The following PLD5 variants were observed in gnomAD, a reference collection of about 807,000 sequenced individuals.
PLD5 encodes phospholipase D family member 5, also known as inactive phospholipase D5.
PLD5 carries 36 observed loss-of-function variants against 61.1 expected under a neutral mutation model. That is an observed-to-expected ratio of 0.59 (90% CI 0.45 to 0.78). PLD5 has a LOEUF of 0.78. PLD5 is among the 30% of genes least tolerant of loss of function. The probability of loss-of-function intolerance (pLI) is 0.00; values close to 1 mark genes in which losing one functional copy is unlikely to be tolerated. For missense variants in PLD5, 515 were observed against 644.4 expected, an observed-to-expected ratio of 0.80 and a Z score of 2.17; for synonymous variants, 243 against 242.8, an observed-to-expected ratio of 1.00 and a Z score of -0.01.
intron 1 of PLD5, among the ~76,000 whole-genome samples, chr1:242,464,988 G>A (rs1272365694): frequency 1.3e-5 from 2 of 152,186 alleles, no homozygotes; most frequent in Admixed American, 6.5e-5. Flanking sequence ...GGTTGCCAGA[G>A]GCTTGGAAAA....
At chr1:242,317,307 G>A (rs901842825) in intron 2 of PLD5, among the ~76,000 whole-genome samples, 7 of 152,110 alleles carry the variant, frequency 4.6e-5, no homozygotes, top group East Asian at 1.9e-4. Flanking sequence ...GAGCCACTGC[G>A]CCTGGCCTCC....
At chr1:242,330,399 G>A (rs1342244036) in intron 2 of PLD5, among the ~76,000 whole-genome samples, 1 of 152,144 alleles carries the variant, frequency 6.6e-6, no homozygotes, top group African/African-American at 2.4e-5. Flanking sequence ...CTTGGCATAT[G>A]CTGTGGCCCT....
At chr1:242,479,989 T>A (rs539150819) in intron 1 of PLD5, among the ~76,000 whole-genome samples, 1 of 151,156 alleles carries the variant, frequency 6.6e-6, no homozygotes, top group African/African-American at 2.4e-5. Context: ...AGGCACAGAT[T>A]GCAGTAAGTC....
At chr1:242,172,275 C>A (rs1337713291) in intron 5 of PLD5, among the ~76,000 whole-genome samples, 1 of 152,202 alleles carries the variant, frequency 6.6e-6, no homozygotes, top group Non-Finnish European at 1.5e-5. Context: ...TCCTGAATGA[C>A]TACTGGGTAA....
chr1:242,477,925 G>A (rs1667648640), intron 1 of PLD5, among the ~76,000 whole-genome samples: 1 of 152,152 alleles, frequency 6.6e-6, no homozygotes, highest in South Asian at 2.1e-4. Context: ...TTGAAATGTG[G>A]TCTGAGCTCC....
intron 2 of PLD5, among the ~76,000 whole-genome samples, chr1:242,333,474 A>T (rs1441932860): frequency 2.0e-5 from 3 of 152,090 alleles, no homozygotes; most frequent in Non-Finnish European, 4.4e-5. Context: ...TCCTTAGGGA[A>T]CCACTTTGAG....
intron 1 of PLD5, among the ~76,000 whole-genome samples, chr1:242,389,778 A>G (rs1662817349): frequency 6.6e-6 from 1 of 152,066 alleles, no homozygotes. Context: ...GTGGGCCCCT[A>G]ATATATTTAA....
intron 1 of PLD5, among the ~76,000 whole-genome samples, chr1:242,409,820 G>A (rs754236795): frequency 1.6e-4 from 25 of 152,182 alleles, no homozygotes; most frequent in Non-Finnish European, 3.2e-4. Context: ...CACACCTGGG[G>A]ATATGTGGGG....
At chr1:242,463,734 T>G (rs1250593492) in intron 1 of PLD5, among the ~76,000 whole-genome samples, 1 of 150,036 alleles carries the variant, frequency 6.7e-6, no homozygotes, top group Non-Finnish European at 1.5e-5. Flanking sequence ...TCGTGTACAC[T>G]CAGGACATCT....
chr1:242,354,782 T>A (rs1660667126), intron 1 of PLD5, among the ~76,000 whole-genome samples: 8 of 151,714 alleles, frequency 5.3e-5, no homozygotes, highest in Admixed American at 5.2e-4. Flanking sequence ...TGGCCTTTAT[T>A]ATGAAGTACA....
At chr1:242,372,033 C>T (rs951813038) in intron 1 of PLD5, among the ~76,000 whole-genome samples, 10 of 152,242 alleles carry the variant, frequency 6.6e-5, no homozygotes, top group Non-Finnish European at 7.4e-5. Context: ...CCCACACCCC[C>T]GCCCTGACAG....
chr1:242,304,913 G>A (rs376600054), intron 2 of PLD5, among the ~76,000 whole-genome samples: 154 of 152,196 alleles, frequency 1.0e-3, no homozygotes, highest in Middle Eastern at 3.4e-3. Flanking sequence ...AGACCAGCCT[G>A]GGCAACATGG....
At chr1:242,335,839 T>G (rs368776782) in intron 2 of PLD5, among the ~76,000 whole-genome samples, 1 of 152,190 alleles carries the variant, frequency 6.6e-6, no homozygotes, top group Non-Finnish European at 1.5e-5. Context: ...AAATTGATAT[T>G]TCTAATATGA....
At chr1:242,099,425 C>G (rs940846389) in intron 9 of PLD5, among the ~76,000 whole-genome samples, 3 of 152,152 alleles carry the variant, frequency 2.0e-5, no homozygotes, top group South Asian at 2.1e-4. Flanking sequence ...CTGCACCCAG[C>G]CAGATATATA....
Position 242,256,255 on chromosome 1 carries a change from G to A in PLD5, c.607+9082C>T, listed in dbSNP as rs1321297477. 1.3e-5 allele frequency among the ~76,000 whole-genome samples: 2 copies of A among 152,146 alleles called. No individual in the cohort carries two copies. Among genetic ancestry groups the A allele is most frequent in the African/African-American group, 2.4e-5 (1 of 41,412 alleles). ...TCACCCCAAGAGCATGCTTTGTATT[G>A]CCTTTATAAACAAAAAGTAACAGAA... On this transcript the variant is annotated intron_variant, in intron 4 of 9. Transcript: ENST00000536534. The surrounding 1 kb of genome is among the most constrained non-coding windows in gnomAD (Gnocchi z 5.7).
At chr1:242,156,013 G>T (rs1313379304) in intron 5 of PLD5, among the ~76,000 whole-genome samples, 5 of 152,164 alleles carry the variant, frequency 3.3e-5, no homozygotes, top group Non-Finnish European at 7.4e-5. Flanking sequence ...CTAAGAACTT[G>T]CTTTATGCAT....
At chr1:242,148,438 C>G (rs1664695652) in intron 5 of PLD5, among the ~76,000 whole-genome samples, 1 of 151,352 alleles carries the variant, frequency 6.6e-6, no homozygotes, top group Admixed American at 6.6e-5. Context: ...TGCCTTTCTT[C>G]TTCTATTTCA....
chr1:242,454,897 T>G (rs897443682), intron 1 of PLD5, among the ~76,000 whole-genome samples: 7 of 152,348 alleles, frequency 4.6e-5, no homozygotes, highest in African/African-American at 1.4e-4. Context: ...CCTGGGACCA[T>G]CTATTTCTTT....
intron 5 of PLD5, among the ~76,000 whole-genome samples, chr1:242,200,845 T>C (rs534787155): frequency 1.2e-3 from 184 of 152,304 alleles, no homozygotes; most frequent in Non-Finnish European, 2.2e-3. Context: ...TTCTAAAAAA[T>C]ACAAAGCTCT....
Sources: allele counts gnomAD v4.1 joint callset (sites outside exome capture counted in the v4.1 genomes callset), GRCh38; gene constraint gnomAD v4.1.1; non-coding constraint Gnocchi (gnomAD v3.1); transcripts MANE v1.5; gene names NCBI Gene and HGNC (gene_info 2026-07-23, HGNC 2026-07-21).